TMEM198: variants seen among roughly 807,000 people sequenced by gnomAD.
The protein encoded by TMEM198 is transmembrane protein 198.
In TMEM198, 21 loss-of-function variants were observed where a neutral mutation model predicts 31.5. That is an observed-to-expected ratio of 0.67 (90% CI 0.47 to 0.96). The LOEUF (loss-of-function observed/expected upper bound fraction) is 0.96, where lower values mean the gene tolerates loss of function less well. Among genes scored for constraint, TMEM198 ranks in the 40% least tolerant of loss-of-function variants. The pLI, the probability that TMEM198 is intolerant of heterozygous loss-of-function variation, is 0.00. For missense variants in TMEM198, 447 were observed against 499.4 expected (o/e 0.89, Z 1.00); for synonymous variants, 211 against 223.3 (o/e 0.95, Z 0.49).
Position 219,547,497 on chromosome 2 carries a change from C to G in TMEM198, c.167-9C>G, listed in dbSNP as rs779351284. The G allele has an allele frequency of 3.8e-5, 54 of 1,417,140 alleles. No individual in the cohort carries two copies. The East Asian group carries it at 1.2e-3, about 32-fold the overall frequency. The allele number at this position is 1,417,140 out of a possible 1,614,324, so 87.8% of individuals were successfully genotyped here. A position where few individuals can be genotyped will look rare whatever the true frequency, so the allele number is the denominator to read the frequency against. Reference sequence around the variant, plus strand: ...TCTTGGCCCCTCACTAGCCCCTGTTCCCCTCCAGGTTACCGCTGCTTCAAG... The same window carrying G: ...TCTTGGCCCCTCACTAGCCCCTGTTGCCCTCCAGGTTACCGCTGCTTCAAG... On this transcript the variant is annotated splice_polypyrimidine_tract_variant and intron_variant, in intron 2 of 4. Transcript: ENST00000373883.
At position 219,544,247 on chromosome 2, in the gene TMEM198, A is replaced by G; in HGVS notation, c.-170A>G. On this transcript the variant is annotated 5_prime_UTR_variant, in exon 1 of 5. Transcript: ENST00000373883. ...CCGACACCATTCTCTCCGGCCCAGC[A>G]GCCCCCTTCCTCGCACGACGGACTT... 2.1e-6 allele frequency: 1 copy of G among 467,432 alleles called. No individual in the cohort carries two copies. The highest frequency in any genetic ancestry group is 6.9e-5 in the East Asian group (1 of 14,404). The allele number at this position is 467,432 out of a possible 1,614,324, so 29.0% of individuals were successfully genotyped here. A position where few individuals can be genotyped will look rare whatever the true frequency, so the allele number is the denominator to read the frequency against.
chr2:219,549,350 C>G lies in TMEM198; in HGVS notation c.941C>G (p.Ser314Cys), dbSNP rs1378801663. 1 of 1,611,450 alleles carries G rather than the reference C, an allele frequency of 6.2e-7. No individual in the cohort carries two copies. The highest frequency in any genetic ancestry group is 1.3e-5 in the African/African-American group (1 of 74,854). The change falls in exon 4 of 5, where the codon TCC (serine) becomes TGC (cysteine). Residue 314 changes from serine to cysteine, a missense_variant. Transcript: ENST00000373883. Reference sequence around the variant, plus strand: ...AAACGCTTCAATGGAGACGTCCTCTCCCCGGTGAGCTCCCTGAGCCCATCC... The same window carrying G: ...AAACGCTTCAATGGAGACGTCCTCTGCCCGGTGAGCTCCCTGAGCCCATCC... ...PIKRFNGDVL[S>C]PSYIQSFRDR...
Position 219,547,900 on chromosome 2 carries a change from C to T in TMEM198, c.561C>T (p.Ala187=), listed in dbSNP as rs751214790. 17 of 1,596,410 alleles carry T rather than the reference C, an allele frequency of 1.1e-5. No homozygotes were observed. Among genetic ancestry groups the T allele is most frequent in the East Asian group, 2.2e-5 (1 of 44,728 alleles). The change falls in exon 3 of 5, where the codon GCC becomes GCT. Residue 187 remains alanine, a synonymous_variant. Transcript: ENST00000373883. ...AVTGAALIAT[A]ADYFAELLLL... is the part of the protein sequence containing the mutation. ...CTGGTGCTGCGCTGATCGCCACTGC[C>T]GCTGACTACTTCGCCGAGCTGCTAC...
chr2:219,548,813 G>A (rs531409400), intron 3 of TMEM198, among the ~76,000 whole-genome samples: 2 of 152,282 alleles, frequency 1.3e-5, no homozygotes, highest in Non-Finnish European at 2.9e-5. Context: ...GCATTGGAGG[G>A]AGCAAGTGTA....
intron 2 of TMEM198, among the ~76,000 whole-genome samples, chr2:219,546,086 G>A (rs770763411): frequency 1.3e-5 from 2 of 151,840 alleles, no homozygotes; most frequent in Non-Finnish European, 2.9e-5. Context: ...ATGTCACTAC[G>A]CCCAGGCTCA....
intron 2 of TMEM198, among the ~76,000 whole-genome samples, chr2:219,545,620 C>T (rs1695373767): frequency 6.6e-6 from 1 of 152,156 alleles, no homozygotes; most frequent in African/African-American, 2.4e-5. Context: ...GGGCTAGTGG[C>T]CCAGTATAAT....
intron 1 of TMEM198, 30 bp from the exon 2 acceptor site, chr2:219,544,659 C>G (rs1695353934): frequency 6.3e-7 from 1 of 1,582,692 alleles, no homozygotes; most frequent in Admixed American, 1.7e-5. Flanking sequence ...ACCCAGGACT[C>G]CTCCGTGACC....
chr2:219,545,836 G>A (rs1031796911), intron 2 of TMEM198, among the ~76,000 whole-genome samples: 7 of 152,042 alleles, frequency 4.6e-5, no homozygotes. Context: ...CCCTGCAATG[G>A]GTGGGTAGAC....
In TMEM198 at chr2:219,549,174, A is replaced by G. The variant is rs775278488; in HGVS notation, c.765A>G (p.Arg255=). Reference sequence around the variant, plus strand: ...CAGTGGTCATCAGCCGGCAGCGCCGACGCGTGCAACTGATGCGGATTCGGC... The same window carrying G: ...CAGTGGTCATCAGCCGGCAGCGCCGGCGCGTGCAACTGATGCGGATTCGGC... ...HTEVVISRQR[R]RVQLMRIRQQ... The change falls in exon 4 of 5, where the codon CGA becomes CGG. Residue 255 remains arginine, a synonymous_variant. Transcript: ENST00000373883. 34 of 1,613,838 alleles carry G rather than the reference A, an allele frequency of 2.1e-5. No individual in the cohort carries two copies. In the Middle Eastern group the frequency reaches 6.6e-4, roughly 31 times the overall value.
chr2:219,545,858 C>T (rs1329445791), intron 2 of TMEM198, among the ~76,000 whole-genome samples: 2 of 152,046 alleles, frequency 1.3e-5, no homozygotes, highest in Non-Finnish European at 2.9e-5. Flanking sequence ...GGGTTGGGAG[C>T]CAGATGGTCC....
chr2:219,549,794 C>A lies in TMEM198; in HGVS notation c.1023C>A (p.Asp341Glu). The change falls in exon 5 of 5, where the codon GAC becomes GAA. Residue 341 changes from aspartate (D) to glutamate (E), a missense_variant. Asp to Glu is a conservative substitution (Grantham distance 45, BLOSUM62 2). Coordinates refer to ENST00000373883, the MANE Select transcript of TMEM198 (RefSeq NM_001005209.3). ...TCATGGCCTCACCCACAGATGCGGA[C>A]TATGAGTATGGGTCCCGGGGACCTC... ...SSFMASPTDA[D>E]YEYGSRGPLT... The A allele has an allele frequency of 1.2e-6, 2 of 1,614,134 alleles. No individual in the cohort carries two copies. Among genetic ancestry groups the A allele is most frequent in the Non-Finnish European group, 1.7e-6 (2 of 1,180,028 alleles).
Position 219,544,787 on chromosome 2 carries a change from C to T in TMEM198, c.60C>T (p.Ala20=). The change falls in exon 2 of 5, where the codon GCC becomes GCT. Residue 20 remains alanine (A), a synonymous_variant. Coordinates refer to ENST00000373883, the MANE Select transcript of TMEM198 (RefSeq NM_001005209.3). Reference sequence around the variant, plus strand: ...TGCTGCCCCCTGAGCCAGATGATGCCTTCTGGGGTGCACCTTGTGAACAGC... The same window carrying T: ...TGCTGCCCCCTGAGCCAGATGATGCTTTCTGGGGTGCACCTTGTGAACAGC... ...FQLLPPEPDD[A]FWGAPCEQPL... The T allele has an allele frequency of 1.2e-6, 2 of 1,614,230 alleles. No homozygotes were observed. Among genetic ancestry groups the T allele is most frequent in the Non-Finnish European group, 1.7e-6 (2 of 1,180,036 alleles).
chr2:219,543,842 T>A, upstream of TMEM198: 1 of 410,790 alleles, frequency 2.4e-6, no homozygotes, highest in South Asian at 3.5e-5. Flanking sequence ...GGTCTCGGGC[T>A]CTCGCTACCG....
rs1695354154 is a variant in TMEM198, at chr2:219,544,669, C to T, written c.-39-20C>T. 3.8e-6 allele frequency: 6 copies of T among 1,593,364 alleles called. No individual in the cohort carries two copies. Among genetic ancestry groups the T allele is most frequent in the Admixed American group, 1.7e-5 (1 of 59,722 alleles). ...TGGGGACCCAGGACTCCTCCGTGAC[C>T]CCAACTTTCCCTCTGTCAGGTTAAC... On this transcript the variant is annotated intron_variant, in intron 1 of 4. Coordinates refer to ENST00000373883, the MANE Select transcript of TMEM198 (RefSeq NM_001005209.3).
At chr2:219,548,162 G>A in intron 3 of TMEM198, 81 bp downstream of exon 3, 1 of 1,305,156 alleles carries the variant, frequency 7.7e-7, no homozygotes, top group South Asian at 1.5e-5. Flanking sequence ...TGGGGAGTGG[G>A]GGACAGCAGC....
At position 219,548,011 on chromosome 2, in the gene TMEM198, G is replaced by T; in HGVS notation, c.672G>T (p.Trp224Cys). The stretch of plus-strand genomic sequence containing the variant: ...GAAGCTGGGCCCTGCTGGCACTCTG[G>T]CCCCTGCTCAGCCTGATGGGCGTTC... Reference protein sequence around the residue: ...CWRSWALLALWPLLSLMGVLV... With the variant: ...CWRSWALLALCPLLSLMGVLV... The change falls in exon 3 of 5, where the codon TGG becomes TGT. Residue 224 changes from tryptophan to cysteine, a missense_variant. Coordinates refer to ENST00000373883, the MANE Select transcript of TMEM198 (RefSeq NM_001005209.3). 1.9e-6 allele frequency: 3 copies of T among 1,590,356 alleles called. No individual in the cohort carries two copies. Among genetic ancestry groups the T allele is most frequent in the Non-Finnish European group, 2.6e-6 (3 of 1,172,576 alleles).
At position 219,544,877 on chromosome 2, in the gene TMEM198, C is replaced by T. The variant is rs1263837995; in HGVS notation, c.150C>T (p.Val50=). 4.3e-6 allele frequency: 7 copies of T among 1,614,132 alleles called. No homozygotes were observed. Among genetic ancestry groups the T allele is most frequent in the Non-Finnish European group, 5.9e-6 (7 of 1,179,960 alleles). The stretch of plus-strand genomic sequence containing the variant: ...GCATCATGTGCTGTTTGTTTGGAGT[C>T]GTCTACTGCTTCTTCGGTGAGATCC... ...LVCIMCCLFG[V]VYCFFGYRCF... Residue 50 remains valine (V), a synonymous_variant, in exon 2 of 5, where the codon GTC becomes GTT. Transcript: ENST00000373883.
At chr2:219,546,355 C>T (rs1033093242) in intron 2 of TMEM198, among the ~76,000 whole-genome samples, 5 of 152,172 alleles carry the variant, frequency 3.3e-5, no homozygotes, top group African/African-American at 9.7e-5. Context: ...AACACTGTTT[C>T]CTTCTCTTTG....
chr2:219,549,672 C>T, intron 4 of TMEM198, 45 bp from the exon 5 acceptor site: 1 of 1,602,736 alleles, frequency 6.2e-7, no homozygotes, highest in Non-Finnish European at 8.5e-7. Flanking sequence ...GCTTTTAGGG[C>T]AGGATTCTGC....
Sources: allele counts gnomAD v4.1 joint callset (sites outside exome capture counted in the v4.1 genomes callset), GRCh38; gene constraint gnomAD v4.1.1; transcripts MANE v1.5; gene names NCBI Gene and HGNC (gene_info 2026-07-23, HGNC 2026-07-21).